Variants in VWA3B observed in about 807,000 individuals in gnomAD.
VWA3B encodes von Willebrand factor A domain-containing protein 3B.
A neutral mutation model predicts 158.3 loss-of-function variants in VWA3B; 138 were observed. The observed-to-expected ratio is 0.87, with a 90% CI of 0.76 to 1.00. The LOEUF is 1.00. VWA3B is among the 50% of genes least tolerant of loss of function. The pLI is 0.00. For synonymous variants in VWA3B, 596 were observed against 587.3 expected (o/e 1.01, Z -0.21); for missense variants, 1,555 against 1,565.1 (o/e 0.99, Z 0.11).
chr2:98,153,668 T>C (rs1677821354), intron 7 of VWA3B, among the ~76,000 whole-genome samples: 1 of 152,234 alleles, frequency 6.6e-6, no homozygotes, highest in Non-Finnish European at 1.5e-5. Flanking sequence ...GGTGCCTGTT[T>C]ATGGCTTACT....
At chr2:98,213,031 T>C (rs374807061) in intron 13 of VWA3B, among the ~76,000 whole-genome samples, 1 of 152,022 alleles carries the variant, frequency 6.6e-6, no homozygotes, top group East Asian at 1.9e-4. Flanking sequence ...CACAGAGTGA[T>C]GGATTTTGCT....
At chr2:98,213,755 T>A (rs1683741866) in intron 13 of VWA3B, among the ~76,000 whole-genome samples, 1 of 152,104 alleles carries the variant, frequency 6.6e-6, no homozygotes, top group Non-Finnish European at 1.5e-5. Context: ...GAGCTGGAGT[T>A]AGGGGACAGT....
chr2:98,088,916 G>C (rs2104787497), intron 1 of VWA3B, among the ~76,000 whole-genome samples: 1 of 152,028 alleles, frequency 6.6e-6, no homozygotes, highest in South Asian at 2.1e-4. Context: ...ACCATGCCCG[G>C]CTAATTTTTG....
At chr2:98,123,614 A>G (rs931665036) in intron 5 of VWA3B, among the ~76,000 whole-genome samples, 1 of 152,180 alleles carries the variant, frequency 6.6e-6, no homozygotes, top group Admixed American at 6.5e-5. Flanking sequence ...TGATAGATGA[A>G]TTACTGTTGT....
chr2:98,175,213 G>A (rs976978222), intron 8 of VWA3B, among the ~76,000 whole-genome samples: 1 of 152,180 alleles, frequency 6.6e-6, no homozygotes, highest in East Asian at 1.9e-4. Context: ...AACTGTCCAT[G>A]TCCAGGAGGA....
intron 7 of VWA3B, among the ~76,000 whole-genome samples, chr2:98,144,892 A>C (rs1406933487): frequency 6.6e-6 from 1 of 152,176 alleles, no homozygotes; most frequent in Non-Finnish European, 1.5e-5. Context: ...CCTTTTCTGC[A>C]GTCTTTACAC....
chr2:98,170,079 A>G (rs993993983), intron 8 of VWA3B, among the ~76,000 whole-genome samples: 1 of 152,078 alleles, frequency 6.6e-6, no homozygotes, highest in Non-Finnish European at 1.5e-5. Flanking sequence ...GTGAGTGGTG[A>G]TCGCACCACT....
chr2:98,149,102 T>C (rs1677406161), intron 7 of VWA3B, among the ~76,000 whole-genome samples: 1 of 152,194 alleles, frequency 6.6e-6, no homozygotes, highest in African/African-American at 2.4e-5. Flanking sequence ...TTCTCTCTTC[T>C]TTGGTTTATT....
chr2:98,119,992 GA>G (rs1674843120), intron 4 of VWA3B, among the ~76,000 whole-genome samples: 1 of 152,178 alleles, frequency 6.6e-6, no homozygotes, highest in Non-Finnish European at 1.5e-5. Context: ...AAGAGATTTA[GA>G]AACATGCATT....
At chr2:98,216,795 G>C (rs1314446946) in intron 13 of VWA3B, 1 of 527,598 alleles carries the variant, frequency 1.9e-6, no homozygotes, top group East Asian at 6.9e-5. Flanking sequence ...GCCGTTTAAG[G>C]AGGGAGTATC....
At chr2:98,139,691 C>T (rs1217676869) in intron 7 of VWA3B, among the ~76,000 whole-genome samples, 1 of 151,896 alleles carries the variant, frequency 6.6e-6, no homozygotes. Context: ...CTAGTGGGGA[C>T]GTGGAGAACC....
At chr2:98,195,277 G>A (rs1308909380) in intron 12 of VWA3B, among the ~76,000 whole-genome samples, 1 of 152,128 alleles carries the variant, frequency 6.6e-6, no homozygotes, top group African/African-American at 2.4e-5. Flanking sequence ...GCAAGTCTCC[G>A]TATCTTTTCT....
At chr2:98,187,705 G>A (rs551864444) in intron 9 of VWA3B, among the ~76,000 whole-genome samples, 4 of 127,392 alleles carry the variant, frequency 3.1e-5, no homozygotes, top group East Asian at 2.1e-4. Flanking sequence ...TGTGTGTGTC[G>A]GTTGGGGGTG....
rs1376414436 is a variant in VWA3B, at chr2:98,228,424, T to C, written c.2150+92T>C. On this transcript the variant is annotated intron_variant, in intron 15 of 27. Coordinates refer to ENST00000477737, the MANE Select transcript of VWA3B (RefSeq NM_144992.5). ...CCCTTGTCCTTTCTGAAATGCTCTG[T>C]GAAATTTCTTTTAGTGAAAAGAATC... The C allele has an allele frequency of 1.5e-5, 22 of 1,431,082 alleles. No homozygotes were observed. The East Asian group carries it at 2.1e-4, about 14-fold the overall frequency. 88.6% of individuals were successfully genotyped at this position (1,431,082 alleles called of 1,614,324 possible). A position where few individuals can be genotyped will look rare whatever the true frequency, so the allele number is the denominator to read the frequency against.
chr2:98,149,888 A>T (rs1677485098), intron 7 of VWA3B, among the ~76,000 whole-genome samples: 1 of 152,254 alleles, frequency 6.6e-6, no homozygotes. Flanking sequence ...TAAAGCCTAG[A>T]TAAACAGATA....
intron 2 of VWA3B, among the ~76,000 whole-genome samples, chr2:98,113,130 C>T (rs1674273811): frequency 6.6e-6 from 1 of 151,610 alleles, no homozygotes; most frequent in South Asian, 2.1e-4. Flanking sequence ...AACATCTGGT[C>T]CATTTCAGGG....
chr2:98,158,606 G>C (rs1208750850), intron 7 of VWA3B, among the ~76,000 whole-genome samples: 3 of 152,328 alleles, frequency 2.0e-5, no homozygotes, highest in African/African-American at 7.2e-5. Context: ...TTCACTAATG[G>C]TGCGGCCCGA....
chr2:98,192,223 C>A (rs1490927325), intron 10 of VWA3B: 1 of 152,336 alleles, frequency 6.6e-6, no homozygotes, highest in Non-Finnish European at 1.5e-5. Flanking sequence ...GACTTTGGCA[C>A]CTTTCATGTG....
At chr2:98,159,517 G>C (rs1177252436) in intron 7 of VWA3B, among the ~76,000 whole-genome samples, 1 of 152,054 alleles carries the variant, frequency 6.6e-6, no homozygotes, top group Non-Finnish European at 1.5e-5. Context: ...CCAAAGTGCT[G>C]AGATTACAGA....
Sources: allele counts gnomAD v4.1 joint callset (sites outside exome capture counted in the v4.1 genomes callset), GRCh38; gene constraint gnomAD v4.1.1; transcripts MANE v1.5; gene names NCBI Gene and HGNC (gene_info 2026-07-23, HGNC 2026-07-21).